The following IGF2BP2 variants were observed in gnomAD, a reference collection of about 807,000 sequenced individuals.
The protein encoded by IGF2BP2 is insulin like growth factor 2 mRNA binding protein 2.
In IGF2BP2, 17 loss-of-function variants were observed where a neutral mutation model predicts 75.8. That is an observed-to-expected ratio of 0.22 (90% CI 0.15 to 0.34). The LOEUF (loss-of-function observed/expected upper bound fraction) is 0.34. Ranked by LOEUF, IGF2BP2 falls within the 10% of genes least tolerant of loss-of-function variation. The pLI, the probability that IGF2BP2 is intolerant of heterozygous loss-of-function variation, is 1.00. For missense variants in IGF2BP2, 516 were observed against 772.4 expected, an observed-to-expected ratio of 0.67 and a Z score of 3.93; for synonymous variants, 288 against 295.6, an observed-to-expected ratio of 0.97 and a Z score of 0.26.
rs749732636 is a variant in IGF2BP2, at chr3:185,792,660, G to A, written c.239+30493C>T. The stretch of plus-strand genomic sequence containing the variant: ...CGGGCAACTGTAATCCCAGCTACTC[G>A]GGAGAGTGAGGCAGAGAATTGTTCG... On this transcript the variant is annotated intron_variant, in intron 2 of 15. Transcript: ENST00000382199. 4.0e-5 allele frequency among the ~76,000 whole-genome samples: 6 copies of A among 151,746 alleles called. 1 individual carries two copies. The Middle Eastern group carries it at 0.014, about 344-fold the overall frequency.
At chr3:185,677,068 TAGAGAGAGAGAGAGAGAGAGAGAGAGAG>T (rs71164535) in intron 7 of IGF2BP2, among the ~76,000 whole-genome samples, 4 of 35,856 alleles carry the variant, frequency 1.1e-4, no homozygotes, top group African/African-American at 3.1e-4. Flanking sequence ...TATATATATA[TAGAGAGAGAGAGAGAGAGAGAGAGAGAG>T]AGAGAGAGAG....
intron 10 of IGF2BP2, among the ~76,000 whole-genome samples, chr3:185,663,543 G>A (rs1376546881): frequency 2.0e-5 from 3 of 152,144 alleles, no homozygotes; most frequent in African/African-American, 7.2e-5. Context: ...CTTTTCCTGG[G>A]AGAACTGCAG....
At position 185,733,046 on chromosome 3, in the gene IGF2BP2, C is replaced by T. The variant is rs555790856; in HGVS notation, c.240-34699G>A. Among the ~76,000 whole-genome samples the T allele has an allele frequency of 2.4e-4, 36 of 152,308 alleles. No homozygotes were observed. In the South Asian group the frequency reaches 7.5e-3, roughly 32 times the overall value. On this transcript the variant is annotated intron_variant, in intron 2 of 15. Coordinates refer to ENST00000382199, the MANE Select transcript of IGF2BP2 (RefSeq NM_006548.6). ...CACTATACTGCATTCTCCTGCTTCC[C>T]CACCCTATTCATCTAGGAACTAGGG...
chr3:185,660,451 C>T (rs1190418625), intron 10 of IGF2BP2, among the ~76,000 whole-genome samples: 1 of 152,144 alleles, frequency 6.6e-6, no homozygotes, highest in Non-Finnish European at 1.5e-5. Flanking sequence ...CCTTTTTGAG[C>T]TTGGAATGAG....
chr3:185,732,911 T>C (rs754360211), intron 2 of IGF2BP2, among the ~76,000 whole-genome samples: 9 of 152,222 alleles, frequency 5.9e-5, no homozygotes, highest in Non-Finnish European at 1.0e-4. Context: ...TACCTCAGGA[T>C]GTTACAGCTT....
intron 2 of IGF2BP2, among the ~76,000 whole-genome samples, chr3:185,755,353 T>G (rs1366155946): frequency 6.6e-6 from 1 of 151,894 alleles, no homozygotes. Context: ...GCACAGAGAG[T>G]GCAAGAATGA....
intron 2 of IGF2BP2, among the ~76,000 whole-genome samples, chr3:185,757,879 C>T (rs1015427335): frequency 1.3e-5 from 2 of 152,138 alleles, no homozygotes; most frequent in African/African-American, 4.8e-5. Context: ...GTTACAGATC[C>T]AGTCTATCCA....
intron 2 of IGF2BP2, among the ~76,000 whole-genome samples, chr3:185,802,934 T>C (rs1738479695): frequency 6.6e-6 from 1 of 152,244 alleles, no homozygotes; most frequent in South Asian, 2.1e-4. Flanking sequence ...ATCCTATTTC[T>C]GACAAATGTA....
chr3:185,780,270 G>A (rs559865612), intron 2 of IGF2BP2, among the ~76,000 whole-genome samples: 29 of 152,286 alleles, frequency 1.9e-4, no homozygotes, highest in African/African-American at 7.0e-4. Context: ...GGAGGAAAGG[G>A]ACCAGGATTA....
rs1713379787 is a variant in IGF2BP2, at chr3:185,645,641, A to C, written c.1708-18T>G. On this transcript the variant is annotated intron_variant, in intron 15 of 15. Transcript: ENST00000382199. The surrounding 1 kb of genome is among the most constrained non-coding windows in gnomAD (Gnocchi z 4.9). ...TGTGCAGTCTGCAGCAAGGGAGAGA[A>C]GGGAGAGGAAGGGACAGGGGAAAAA... is the stretch of plus-strand genomic sequence containing the variant. 2 of 1,596,016 alleles carry C rather than the reference A, an allele frequency of 1.3e-6. No homozygotes were observed. The highest frequency in any genetic ancestry group is 1.3e-5 in the African/African-American group (1 of 74,632).
At chr3:185,759,795 C>T (rs898848047) in intron 2 of IGF2BP2, among the ~76,000 whole-genome samples, 12 of 152,184 alleles carry the variant, frequency 7.9e-5, no homozygotes, top group African/African-American at 2.9e-4. Context: ...AGGACTCTGG[C>T]TATGTTGCTA....
chr3:185,656,217 C>T (rs1715414235), intron 12 of IGF2BP2, among the ~76,000 whole-genome samples: 1 of 152,256 alleles, frequency 6.6e-6, no homozygotes, highest in Non-Finnish European at 1.5e-5. Context: ...AGGCCAGCAC[C>T]TGCCTATCAG....
chr3:185,789,827 A>G (rs1736405665), intron 2 of IGF2BP2, among the ~76,000 whole-genome samples: 1 of 146,026 alleles, frequency 6.8e-6, no homozygotes, highest in African/African-American at 2.5e-5. Context: ...TCCAACACCC[A>G]GGTTCGAGTG....
intron 2 of IGF2BP2, among the ~76,000 whole-genome samples, chr3:185,733,756 C>CAAT (rs1006790712): frequency 1.1e-4 from 16 of 150,874 alleles, no homozygotes; most frequent in East Asian, 5.8e-4. Flanking sequence ...AACTCCGCCT[C>CAAT]AATAATAATA....
At chr3:185,765,163 T>C (rs551043989) in intron 2 of IGF2BP2, among the ~76,000 whole-genome samples, 1 of 152,334 alleles carries the variant, frequency 6.6e-6, no homozygotes, top group South Asian at 2.1e-4. Flanking sequence ...TTTAAAGTTT[T>C]ATTTTTCTGT....
chr3:185,768,794 GGCT>G (rs1733455406), intron 2 of IGF2BP2, among the ~76,000 whole-genome samples: 1 of 152,248 alleles, frequency 6.6e-6, no homozygotes, highest in African/African-American at 2.4e-5. Context: ...CACTTTGGGA[GGCT>G]GAGGCGGGTG....
intron 2 of IGF2BP2, among the ~76,000 whole-genome samples, chr3:185,723,637 A>G (rs1455908464): frequency 6.6e-6 from 1 of 152,212 alleles, no homozygotes; most frequent in African/African-American, 2.4e-5. Flanking sequence ...TTTGATGTCT[A>G]GCTCTGAACA....
At chr3:185,706,304 AG>A (rs1724011026) in intron 2 of IGF2BP2, among the ~76,000 whole-genome samples, 1 of 152,196 alleles carries the variant, frequency 6.6e-6, no homozygotes, top group Non-Finnish European at 1.5e-5. Flanking sequence ...TGGGAGGCTG[AG>A]GTGTGAGGAT....
intron 4 of IGF2BP2, among the ~76,000 whole-genome samples, chr3:185,696,065 G>A (rs1722535042): frequency 6.6e-6 from 1 of 152,166 alleles, no homozygotes; most frequent in African/African-American, 2.4e-5. Context: ...GGGATTACAG[G>A]TATGAGCCAC....
Sources: gnomAD v4.1 joint callset for allele counts (sites outside exome capture counted in the v4.1 genomes callset) on GRCh38, gnomAD v4.1.1 for gene constraint, Gnocchi (gnomAD v3.1) non-coding constraint, MANE v1.5 for transcripts, NCBI Gene and HGNC (gene_info 2026-07-23, HGNC 2026-07-21) for gene names.